The following EBF1 variants were observed in gnomAD, a reference collection of about 807,000 sequenced individuals.
EBF1 encodes EBF transcription factor 1.
EBF1 carries 10 observed loss-of-function variants against 68.4 expected under a neutral mutation model. The ratio of observed to expected loss-of-function variants is 0.15; its 90% CI spans 0.09 to 0.25. The LOEUF (loss-of-function observed/expected upper bound fraction) is 0.25, where lower values mean the gene tolerates loss of function less well. Ranked by LOEUF, EBF1 falls within the 10% of genes least tolerant of loss-of-function variation. The probability of loss-of-function intolerance (pLI) is 1.00; values close to 1 mark genes in which losing one functional copy is unlikely to be tolerated. For missense variants in EBF1, 509 were observed against 794.4 expected, an observed-to-expected ratio of 0.64 and a Z score of 4.32; for synonymous variants, 298 against 299.8, an observed-to-expected ratio of 0.99 and a Z score of 0.06.
chr5:158,804,323 T>C (rs1487294761), intron 8 of EBF1, among the ~76,000 whole-genome samples: 3 of 152,102 alleles, frequency 2.0e-5, no homozygotes, highest in African/African-American at 2.4e-5. Context: ...TTGCTAATTA[T>C]AGACTAAGCC....
chr5:158,826,874 T>C (rs1374805966), intron 7 of EBF1, among the ~76,000 whole-genome samples: 3 of 152,292 alleles, frequency 2.0e-5, no homozygotes, highest in East Asian at 1.9e-4. Flanking sequence ...CTTTTCTGGA[T>C]AGATATCCCT....
chr5:158,916,950 C>T (rs1328937027), intron 6 of EBF1, among the ~76,000 whole-genome samples: 1 of 152,170 alleles, frequency 6.6e-6, no homozygotes, highest in African/African-American at 2.4e-5. Flanking sequence ...TCAGCATCCT[C>T]TGCCTCCCAC....
intron 6 of EBF1, among the ~76,000 whole-genome samples, chr5:158,997,611 T>A (rs754948833): frequency 2.0e-5 from 3 of 152,178 alleles, no homozygotes; most frequent in Non-Finnish European, 2.9e-5. Context: ...TCTTGTTGAA[T>A]CCATTCCTGA....
intron 11 of EBF1, among the ~76,000 whole-genome samples, chr5:158,718,996 T>G (rs1272417548): frequency 1.7e-4 from 26 of 152,174 alleles, no homozygotes; most frequent in Admixed American, 1.6e-3. Flanking sequence ...TCTTGAGAAA[T>G]TCATGTTGAT....
intron 6 of EBF1, among the ~76,000 whole-genome samples, chr5:159,057,520 G>A (rs1584319332): frequency 6.6e-6 from 1 of 152,286 alleles, no homozygotes; most frequent in African/African-American, 2.4e-5. Flanking sequence ...GAAAAGACAC[G>A]TTGTACCCTT....
chr5:159,080,230 C>G (rs549940746), intron 5 of EBF1, among the ~76,000 whole-genome samples: 6 of 152,298 alleles, frequency 3.9e-5, no homozygotes, highest in African/African-American at 1.2e-4. Context: ...TTCATGCACC[C>G]TCTAAAATCC....
chr5:158,847,469 G>T (rs1205947246), intron 6 of EBF1, among the ~76,000 whole-genome samples: 1 of 152,120 alleles, frequency 6.6e-6, no homozygotes, highest in Non-Finnish European at 1.5e-5. Flanking sequence ...AGAGCAAGGG[G>T]GCTGTAGCTT....
chr5:158,823,342 T>C (rs781097943), intron 7 of EBF1, 25 bp from the exon 8 acceptor site: 1 of 1,588,890 alleles, frequency 6.3e-7, no homozygotes, highest in Non-Finnish European at 8.6e-7. Context: ...AAGAAATGAA[T>C]GAACATTTTA....
At chr5:158,790,816 T>A (rs192301586) in intron 9 of EBF1, among the ~76,000 whole-genome samples, 1 of 152,310 alleles carries the variant, frequency 6.6e-6, no homozygotes. Context: ...AAATATTGAC[T>A]AAAGACCTAT....
At chr5:159,088,512 T>A (rs1184671304) in intron 4 of EBF1, among the ~76,000 whole-genome samples, 1 of 152,172 alleles carries the variant, frequency 6.6e-6, no homozygotes, top group African/African-American at 2.4e-5. Context: ...TATGTGCCTC[T>A]GTGGTGTATG....
chr5:158,759,231 T>C (rs143952305), intron 10 of EBF1, among the ~76,000 whole-genome samples: 4 of 152,286 alleles, frequency 2.6e-5, no homozygotes, highest in Admixed American at 6.5e-5. Flanking sequence ...GGAGTTAGTC[T>C]TGATAGTTAG....
chr5:158,788,023 T>G (rs1239708597), intron 9 of EBF1, among the ~76,000 whole-genome samples: 1 of 91,344 alleles, frequency 1.1e-5, no homozygotes, highest in Non-Finnish European at 2.5e-5. Context: ...TTTGTTTGAC[T>G]GAATGAATGA....
chr5:158,830,444 T>A (rs1190599372), intron 7 of EBF1, among the ~76,000 whole-genome samples: 1 of 152,206 alleles, frequency 6.6e-6, no homozygotes, highest in East Asian at 1.9e-4. Flanking sequence ...CTAATTTTTA[T>A]ATTTTTAGTA....
At chr5:158,937,975 C>T (rs1346634592) in intron 6 of EBF1, among the ~76,000 whole-genome samples, 1 of 152,114 alleles carries the variant, frequency 6.6e-6, no homozygotes, top group African/African-American at 2.4e-5. Context: ...CCAGTCAGAG[C>T]CATGAGAATA....
At chr5:159,035,060 A>G (rs1465858516) in intron 6 of EBF1, among the ~76,000 whole-genome samples, 1 of 152,132 alleles carries the variant, frequency 6.6e-6, no homozygotes, top group Non-Finnish European at 1.5e-5. Flanking sequence ...GGTTTTCTCT[A>G]TTTTTGTGGC....
Position 158,894,512 on chromosome 5 carries a change from A to T in EBF1, c.555-54402T>A, listed in dbSNP as rs371533953. 2.0e-3 allele frequency among the ~76,000 whole-genome samples: 306 copies of T among 152,330 alleles called. 2 individuals are homozygous for T. Among genetic ancestry groups the T allele is most frequent in the African/African-American group, 7.2e-3 (299 of 41,580 alleles). On this transcript the variant is annotated intron_variant, in intron 6 of 15. Transcript: ENST00000313708. ...AAACTACCCTGGGTTAAGTTCCATC[A>T]AGTGGCAGATTAGTTTCCATGATGC...
chr5:159,056,213 TA>T (rs571080006), intron 6 of EBF1, among the ~76,000 whole-genome samples: 341 of 152,326 alleles, frequency 2.2e-3, no homozygotes, highest in African/African-American at 8.0e-3. Flanking sequence ...AAATTAATTT[TA>T]GTGGATTGAT....
chr5:158,852,527 C>T (rs1436435241), intron 6 of EBF1, among the ~76,000 whole-genome samples: 6 of 152,256 alleles, frequency 3.9e-5, no homozygotes, highest in Non-Finnish European at 8.8e-5. Flanking sequence ...GGATTTAAAC[C>T]TCAGGACCAG....
At chr5:159,060,163 C>T (rs1379405584) in intron 6 of EBF1, among the ~76,000 whole-genome samples, 1 of 151,978 alleles carries the variant, frequency 6.6e-6, no homozygotes, top group Non-Finnish European at 1.5e-5. Context: ...AGATTTTACC[C>T]AAACCATACT....
Sources: allele counts gnomAD v4.1 joint callset (sites outside exome capture counted in the v4.1 genomes callset), GRCh38; gene constraint gnomAD v4.1.1; transcripts MANE v1.5; gene names NCBI Gene and HGNC (gene_info 2026-07-23, HGNC 2026-07-21).